The following RSPO3 variants were observed in gnomAD, a reference collection of about 807,000 sequenced individuals.
RSPO3 encodes R-spondin 3.
A neutral mutation model predicts 36.5 loss-of-function variants in RSPO3; 17 were observed. That is an observed-to-expected ratio of 0.47 (90% CI 0.32 to 0.70). The LOEUF is 0.70. Among genes scored for constraint, RSPO3 ranks in the 30% least tolerant of loss-of-function variants. The probability of loss-of-function intolerance (pLI) is 0.04; values close to 1 mark genes in which losing one functional copy is unlikely to be tolerated. For synonymous variants in RSPO3, 108 were observed against 107.0 expected (o/e 1.01, Z -0.06); for missense variants, 294 against 322.5 (o/e 0.91, Z 0.68).
chr6:127,174,205 A>T (rs891170987), intron 4 of RSPO3, among the ~76,000 whole-genome samples: 1 of 151,898 alleles, frequency 6.6e-6, no homozygotes, highest in African/African-American at 2.4e-5. Flanking sequence ...CTTAATGGCA[A>T]ATTAGTCAGG....
Position 127,148,709 on chromosome 6 carries a change from A to C in RSPO3, c.159A>C (p.Gly53=). 1 of 1,613,264 alleles carries C rather than the reference A, an allele frequency of 6.2e-7. No homozygotes were observed. Among genetic ancestry groups the C allele is most frequent in the Non-Finnish European group, 8.5e-7 (1 of 1,179,454 alleles). ...GTGCAACATGCTCAGATTACAATGG[A>C]TGTTTGTCATGTAAGCCCAGACTAT... The part of the protein sequence containing the change: ...GGCATCSDYN[G]CLSCKPRLFF... Residue 53 remains glycine (G), a synonymous_variant, in exon 2 of 5, where the codon GGA becomes GGC. Transcript: ENST00000356698.
Position 127,196,478 on chromosome 6 carries a change from G to A in RSPO3, c.*471G>A, listed in dbSNP as rs1473997379. 3.9e-5 allele frequency: 6 copies of A among 152,266 alleles called. No homozygotes were observed. The highest frequency in any genetic ancestry group is 1.4e-4 in the African/African-American group (6 of 41,454). 9.4% of individuals were successfully genotyped at this position (152,266 alleles called of 1,614,324 possible). On this transcript the variant is annotated 3_prime_UTR_variant, in exon 5 of 5. Coordinates refer to ENST00000356698, the MANE Select transcript of RSPO3 (RefSeq NM_032784.5). ...TTGTTTTGACCGGGAGATCTAGAGA[G>A]TGCTCAGAATTAGGGCCTGGCATTT...
chr6:127,144,643 G>GTTTTTTTTTTGTTTTTT (rs1554220624), intron 1 of RSPO3, among the ~76,000 whole-genome samples: 2 of 99,124 alleles, frequency 2.0e-5, no homozygotes, highest in Middle Eastern at 5.8e-3. Context: ...GCTTCCCCTT[G>GTTTTTTTTTTGTTTTTT]TTTTTTTTTT....
rs1198715194 is a variant in RSPO3, at chr6:127,195,906, T to G, written c.718T>G (p.Ser240Ala). The change falls in exon 5 of 5, where the codon TCC becomes GCC. Residue 240 changes from serine to alanine, a missense_variant. Coordinates refer to ENST00000356698, the MANE Select transcript of RSPO3 (RefSeq NM_032784.5). The part of the protein sequence containing the change: ...EAIPDSKSLE[S>A]SKEIPEQREN... ...AATACCTGACAGCAAAAGTCTGGAA[T>G]CCAGCAAAGAAATCCCAGAGCAACG... The G allele has an allele frequency of 6.2e-7, 1 of 1,613,214 alleles. No individual in the cohort carries two copies. Among genetic ancestry groups the G allele is most frequent in the African/African-American group, 1.3e-5 (1 of 75,000 alleles).
intron 1 of RSPO3, among the ~76,000 whole-genome samples, chr6:127,129,929 A>C (rs996745827): frequency 6.6e-6 from 1 of 152,094 alleles, no homozygotes; most frequent in South Asian, 2.1e-4. Flanking sequence ...GGTCAACTTA[A>C]ATATCATATT....
chr6:127,197,680 G>A lies in RSPO3; in HGVS notation c.*1673G>A. 1.2e-6 allele frequency: 1 copy of A among 829,328 alleles called. No homozygotes were observed. Among genetic ancestry groups the A allele is most frequent in the Non-Finnish European group, 1.8e-6 (1 of 554,334 alleles). The allele number at this position is 829,328 out of a possible 1,614,324, so 51.4% of individuals were successfully genotyped here. A position where few individuals can be genotyped will look rare whatever the true frequency, so the allele number is the denominator to read the frequency against. ...ATCTCTGGACACCCGTTCTCCACCA[G>A]TTGTACAGTTCATGTAATCTACTTG... On this transcript the variant is annotated 3_prime_UTR_variant, in exon 5 of 5. Coordinates refer to ENST00000356698, the MANE Select transcript of RSPO3 (RefSeq NM_032784.5).
At chr6:127,179,342 CTTTGA>C (rs1463121718) in intron 4 of RSPO3, among the ~76,000 whole-genome samples, 1 of 151,790 alleles carries the variant, frequency 6.6e-6, no homozygotes, top group African/African-American at 2.4e-5. Context: ...GCTCCGCTTC[CTTTGA>C]TTTATTAGTT....
intron 4 of RSPO3, among the ~76,000 whole-genome samples, chr6:127,159,361 A>G (rs1028408673): frequency 3.9e-5 from 6 of 152,166 alleles, no homozygotes; most frequent in African/African-American, 1.4e-4. Context: ...TGGGATAGAA[A>G]GGAGAGAGAA....
chr6:127,162,810 T>TA (rs1187512694), intron 4 of RSPO3, among the ~76,000 whole-genome samples: 1 of 152,210 alleles, frequency 6.6e-6, no homozygotes, highest in Non-Finnish European at 1.5e-5. Flanking sequence ...CTGTCTTCAT[T>TA]AGAGTTTCCT....
chr6:127,164,548 G>A (rs887718916), intron 4 of RSPO3, among the ~76,000 whole-genome samples: 3 of 150,642 alleles, frequency 2.0e-5, no homozygotes, highest in African/African-American at 7.3e-5. Flanking sequence ...CTTTTTTTTT[G>A]GGAGTAAACT....
At chr6:127,166,662 C>A (rs960312251) in intron 4 of RSPO3, among the ~76,000 whole-genome samples, 18 of 151,900 alleles carry the variant, frequency 1.2e-4, no homozygotes, top group Non-Finnish European at 1.2e-4. Flanking sequence ...AATGTAGTCT[C>A]AAACATTTGA....
intron 4 of RSPO3, among the ~76,000 whole-genome samples, chr6:127,178,159 A>G (rs923982095): frequency 2.6e-5 from 4 of 151,760 alleles, no homozygotes; most frequent in Non-Finnish European, 4.4e-5. Context: ...ACTTTTAAAT[A>G]GTAGATTATA....
At chr6:127,188,324 A>G (rs1775338351) in intron 4 of RSPO3, among the ~76,000 whole-genome samples, 1 of 152,214 alleles carries the variant, frequency 6.6e-6, no homozygotes, top group Non-Finnish European at 1.5e-5. Flanking sequence ...AGACTATGAA[A>G]ATACACATTC....
chr6:127,179,154 TGGA>T (rs1775130028), intron 4 of RSPO3, among the ~76,000 whole-genome samples: 1 of 151,838 alleles, frequency 6.6e-6, no homozygotes, highest in Non-Finnish European at 1.5e-5. Context: ...AAAAACACAG[TGGA>T]GAATACCCAA....
At chr6:127,180,302 G>T (rs1582811653) in intron 4 of RSPO3, among the ~76,000 whole-genome samples, 1 of 151,418 alleles carries the variant, frequency 6.6e-6, no homozygotes, top group African/African-American at 2.4e-5. Flanking sequence ...AGGGAAGGAG[G>T]TGCTGTTCAA....
intron 1 of RSPO3, among the ~76,000 whole-genome samples, chr6:127,139,194 T>C (rs1041133767): frequency 5.3e-5 from 8 of 152,228 alleles, no homozygotes; most frequent in African/African-American, 1.9e-4. Flanking sequence ...TTTTCCTTGC[T>C]CAGAATTTTG....
chr6:127,152,487 G>A (rs951174040), intron 3 of RSPO3, among the ~76,000 whole-genome samples: 5 of 152,146 alleles, frequency 3.3e-5, no homozygotes, highest in African/African-American at 1.2e-4. Context: ...ACTAGGATCC[G>A]GAGAGCCAAA....
In RSPO3 at chr6:127,155,692, A is replaced by G. The variant is rs142187124; in HGVS notation, c.634+254A>G. ...GAACTAGGCTGTATTGTAAGCATTC[A>G]GGGCATTATCTGTACTATAATCTGC... On this transcript the variant is annotated intron_variant, in intron 4 of 4. Transcript: ENST00000356698. Among the ~76,000 whole-genome samples the G allele has an allele frequency of 6.3e-4, 96 of 152,194 alleles. No homozygotes were observed. In the East Asian group the frequency reaches 0.018, roughly 29 times the overall value.
intron 4 of RSPO3, among the ~76,000 whole-genome samples, chr6:127,160,620 T>C (rs535229033): frequency 9.9e-5 from 15 of 152,198 alleles, no homozygotes; most frequent in Non-Finnish European, 2.2e-4. Context: ...TATGCAGAAA[T>C]TTCTAGGAGA....
Sources: gnomAD v4.1 joint callset for allele counts (sites outside exome capture counted in the v4.1 genomes callset) on GRCh38, gnomAD v4.1.1 for gene constraint, MANE v1.5 for transcripts, NCBI Gene and HGNC (gene_info 2026-07-23, HGNC 2026-07-21) for gene names.